MELK: variants seen among roughly 807,000 people sequenced by gnomAD.
MELK encodes the protein maternal embryonic leucine zipper kinase, also known as pEg3 kinase.
Under a neutral mutation model 85.0 loss-of-function variants are expected in MELK, and 81 were observed. The ratio of observed to expected loss-of-function variants is 0.95; its 90% CI spans 0.80 to 1.15. The LOEUF is 1.15. MELK is among the 50% of genes most tolerant of loss of function. MELK has a pLI of 0.00. For missense variants in MELK, 754 were observed against 777.5 expected (o/e 0.97, Z 0.36); for synonymous variants, 252 against 265.0 (o/e 0.95, Z 0.48).
At chr9:36,630,235 T>C (rs570470981) in intron 8 of MELK, 64 bp from the exon 9 acceptor site, 2 of 1,208,158 alleles carry the variant, frequency 1.7e-6, no homozygotes, top group Non-Finnish European at 2.4e-6. Context: ...CAGCATGTTA[T>C]TACCTAAGGA....
intron 16 of MELK, among the ~76,000 whole-genome samples, chr9:36,673,980 AC>A (rs111909076): frequency 0.028 from 4,303 of 152,306 alleles, 195 homozygotes; most frequent in African/African-American, 0.098. Context: ...GAGAAGCACT[AC>A]CTTAAGAAAT....
intron 1 of MELK, among the ~76,000 whole-genome samples, chr9:36,580,860 C>T (rs1564117392): frequency 1.3e-5 from 2 of 151,970 alleles, no homozygotes; most frequent in African/African-American, 2.4e-5. Flanking sequence ...TCCCAAGTAG[C>T]TGGGATTACA....
At chr9:36,618,548 A>G (rs765453922) in intron 8 of MELK, among the ~76,000 whole-genome samples, 6 of 152,214 alleles carry the variant, frequency 3.9e-5, no homozygotes, top group Admixed American at 1.3e-4. Context: ...TTTGCAGACA[A>G]CTTGTTAAAT....
intron 13 of MELK, among the ~76,000 whole-genome samples, chr9:36,661,284 C>G (rs960154949): frequency 6.6e-6 from 1 of 152,108 alleles, no homozygotes; most frequent in African/African-American, 2.4e-5. Flanking sequence ...ATAAATGCTG[C>G]GATCTTTGGC....
chr9:36,611,603 A>G (rs943236625), intron 8 of MELK, among the ~76,000 whole-genome samples: 3 of 152,080 alleles, frequency 2.0e-5, no homozygotes, highest in African/African-American at 7.2e-5. Flanking sequence ...TCTACTTTCT[A>G]TCTGTGGACT....
intron 1 of MELK, among the ~76,000 whole-genome samples, chr9:36,578,724 A>T (rs1280782290): frequency 6.6e-6 from 1 of 152,196 alleles, no homozygotes. Flanking sequence ...CAGTCTGATT[A>T]CTGGCAGGGC....
chr9:36,595,996 A>G (rs925704347), intron 5 of MELK, among the ~76,000 whole-genome samples: 1 of 150,832 alleles, frequency 6.6e-6, no homozygotes, highest in Non-Finnish European at 1.5e-5. Flanking sequence ...TTGTATTTTT[A>G]GTAGGCCTGG....
At chr9:36,636,838 T>TTTCTTTC (rs530666218) in intron 10 of MELK, among the ~76,000 whole-genome samples, 11 of 118,526 alleles carry the variant, frequency 9.3e-5, no homozygotes, top group Admixed American at 3.4e-4. Flanking sequence ...CTTGTCTTTC[T>TTTCTTTC]TGTCTTTCTT....
rs1434544239 is a variant in MELK at position 36,657,254 on chromosome 9, G to A, written c.1067G>A (p.Ser356Asn). 1 of 1,611,978 alleles carries A rather than the reference G, an allele frequency of 6.2e-7. No homozygotes were observed. Among genetic ancestry groups the A allele is most frequent in the South Asian group, 1.1e-5 (1 of 90,410 alleles). Residue 356 changes from serine (S) to asparagine (N), a missense_variant, in exon 13 of 18, where the codon AGT (serine) becomes AAT (asparagine). Transcript: ENST00000298048. ...TTCATTGAGTAGTCAAATAATTGGAGTCTGGAAGATGTGACCGCAAGTGAT... is the reference window on the plus strand; with the variant it reads ...TTCATTGAGTAGTCAAATAATTGGAATCTGGAAGATGTGACCGCAAGTGAT... ...PFTDIKSNNW[S>N]LEDVTASDKN...
intron 8 of MELK, among the ~76,000 whole-genome samples, chr9:36,615,950 G>T (rs951743164): frequency 1.3e-5 from 2 of 152,000 alleles, no homozygotes; most frequent in African/African-American, 2.4e-5. Flanking sequence ...TCCCAGACGG[G>T]GTGGCGGCCA....
intron 11 of MELK, among the ~76,000 whole-genome samples, chr9:36,645,256 C>CAAAAA (rs398046556): frequency 3.3e-5 from 2 of 60,762 alleles, no homozygotes; most frequent in Non-Finnish European, 3.4e-5. Flanking sequence ...GACTCCGTCT[C>CAAAAA]AAAAAAAAAA....
chr9:36,617,318 ATCTTTT>A (rs1826930938), intron 8 of MELK, among the ~76,000 whole-genome samples: 1 of 150,848 alleles, frequency 6.6e-6, no homozygotes, highest in African/African-American at 2.4e-5. Context: ...AAATTCATCA[ATCTTTT>A]TCTTTTTTTC....
Position 36,631,379 on chromosome 9 carries a change from C to T in MELK, c.735+1012C>T, listed in dbSNP as rs182136697. Among the ~76,000 whole-genome samples the T allele has an allele frequency of 5.1e-4, 77 of 152,228 alleles. 1 individual carries two copies. In the East Asian group the frequency reaches 8.1e-3, roughly 16 times the overall value. ...TTCCCAGGTTCAAGTGGTTCTCGTG[C>T]CTCAGCCTCCCAAGTAGCTGGGATT... On this transcript the variant is annotated intron_variant, in intron 9 of 17. Coordinates refer to ENST00000298048, the MANE Select transcript of MELK (RefSeq NM_014791.4).
At chr9:36,595,183 T>G (rs1824070251) in intron 5 of MELK, among the ~76,000 whole-genome samples, 1 of 152,024 alleles carries the variant, frequency 6.6e-6, no homozygotes, top group South Asian at 2.1e-4. Flanking sequence ...TCGCCCAGGC[T>G]GGAGTGCAGT....
chr9:36,581,714 T>C lies in MELK; in HGVS notation c.33T>C (p.Tyr11=). 2 of 1,597,904 alleles carry C rather than the reference T, an allele frequency of 1.3e-6. No individual in the cohort carries two copies. The highest frequency in any genetic ancestry group is 2.2e-5 in the East Asian group (1 of 44,660). The change falls in exon 2 of 18, where the codon TAT becomes TAC. Residue 11 remains tyrosine, a synonymous_variant. Transcript: ENST00000298048. The part of the protein sequence containing the change: MKDYDELLKY[Y]ELHETIGTGG... ...ATTATGATGAACTTCTCAAATATTA[T>C]GAATTACATGAAACTATTGGGACAG...
At chr9:36,637,683 G>A (rs947545453) in intron 10 of MELK, among the ~76,000 whole-genome samples, 3 of 152,180 alleles carry the variant, frequency 2.0e-5, no homozygotes, top group African/African-American at 7.2e-5. Flanking sequence ...TGGGGTATTT[G>A]CTTTCTGGAA....
chr9:36,650,484 A>G (rs952272159), intron 11 of MELK, among the ~76,000 whole-genome samples: 1 of 152,220 alleles, frequency 6.6e-6, no homozygotes, highest in Non-Finnish European at 1.5e-5. Context: ...CTAAATGACT[A>G]TAGGTTTTTC....
chr9:36,621,529 G>T (rs189360747), intron 8 of MELK, among the ~76,000 whole-genome samples: 104 of 152,144 alleles, frequency 6.8e-4, no homozygotes, highest in Middle Eastern at 3.4e-3. Context: ...GCTTGTATAA[G>T]GTCACACAGC....
chr9:36,606,570 T>C (rs1282933198), intron 7 of MELK, among the ~76,000 whole-genome samples: 1 of 146,098 alleles, frequency 6.8e-6, no homozygotes, highest in East Asian at 2.0e-4. Context: ...ATATAATATA[T>C]AATATATACA....
Sources: allele counts gnomAD v4.1 joint callset (sites outside exome capture counted in the v4.1 genomes callset), GRCh38; gene constraint gnomAD v4.1.1; transcripts MANE v1.5; gene names NCBI Gene and HGNC (gene_info 2026-07-23, HGNC 2026-07-21).